KRT40: variants seen among roughly 807,000 people sequenced by gnomAD.
KRT40 encodes the protein keratin 40.
In KRT40, 47 loss-of-function variants were observed where a neutral mutation model predicts 43.5. The ratio of observed to expected loss-of-function variants is 1.08; its 90% CI spans 0.86 to 1.38. The LOEUF (loss-of-function observed/expected upper bound fraction) is 1.38. Among genes scored for constraint, KRT40 ranks in the 40% most tolerant of loss-of-function variants. The pLI is 0.00. For missense variants in KRT40, 573 were observed against 523.6 expected (o/e 1.09, Z -0.92); for synonymous variants, 212 against 214.0 (o/e 0.99, Z 0.08).
At chr17:40,984,367 T>G, upstream of KRT40, 1 of 926,436 alleles carries the variant, frequency 1.1e-6, no homozygotes, top group Non-Finnish European at 1.6e-6. Context: ...CCCCCCAAAA[T>G]GGGTGTTTAC....
intron 5 of KRT40, among the ~76,000 whole-genome samples, chr17:40,980,392 A>G (rs1022931424): frequency 3.3e-5 from 5 of 152,160 alleles, no homozygotes; most frequent in African/African-American, 1.2e-4. Flanking sequence ...ATAAGGTTGA[A>G]GTGTAGATCC....
At position 40,978,241 on chromosome 17, in the gene KRT40, A is replaced by G. The variant is rs775060035; in HGVS notation, c.1252T>C (p.Cys418Arg). The change falls in exon 7 of 7, where the codon TGC becomes CGC. Residue 418 changes from cysteine (C) to arginine (R), a missense_variant. Physicochemically the swap from Cys to Arg is radical, Grantham distance 180 (BLOSUM62 -3). Coordinates refer to ENST00000377755, the MANE Select transcript of KRT40 (RefSeq NM_001389244.1). ...ACAGTGCAGATGACATAGGCTGAGC[A>G]TGGCTCACAAGTGTTGCTCGAGGTG... is the stretch of plus-strand genomic sequence containing the variant. ...TCTSSNTCEP[C>R]SAYVICTVEN... 81 of 1,614,048 alleles carry G rather than the reference A, an allele frequency of 5.0e-5. No homozygotes were observed. Among genetic ancestry groups the G allele is most frequent in the South Asian group, 3.7e-4 (34 of 91,076 alleles).
chr17:40,981,216 G>A, intron 3 of KRT40, 65 bp from the exon 4 acceptor site: 1 of 1,609,524 alleles, frequency 6.2e-7, no homozygotes, highest in South Asian at 1.1e-5. Flanking sequence ...GACATCCAAT[G>A]GCATTCTACT....
At chr17:40,987,084 A>C (rs1912502150), upstream of KRT40, 1 of 152,208 alleles carries the variant, frequency 6.6e-6, no homozygotes, top group East Asian at 1.9e-4. Flanking sequence ...CAACTGCCTC[A>C]TGTGGAGATG....
In KRT40 at chr17:40,978,836, C is replaced by T. The variant is rs375959611; in HGVS notation, c.1164G>A (p.Thr388=). ...VKARLEGEIN[T]YWGLLDSEDS... The stretch of plus-strand genomic sequence containing the variant: ...CCTCGCTGTCCAGCAGGCCCCAGTA[C>T]GTGTTGATCTCACCCTCCAGCCGGG... Residue 388 remains threonine (T), a synonymous_variant, in exon 6 of 7, where the codon ACG becomes ACA. Coordinates refer to ENST00000377755, the MANE Select transcript of KRT40 (RefSeq NM_001389244.1). 1.3e-4 allele frequency: 211 copies of T among 1,612,958 alleles called. 2 individuals carry two copies. The highest frequency in any genetic ancestry group is 1.1e-3 in the South Asian group (96 of 91,014).
upstream of KRT40, among the ~76,000 whole-genome samples, chr17:40,986,688 A>G (rs1000665381): frequency 6.6e-6 from 1 of 151,394 alleles, no homozygotes; most frequent in African/African-American, 2.4e-5. Context: ...AGAAAGGAAC[A>G]TTGGGAATAG....
At chr17:40,981,424 A>G (rs1444041296) in intron 3 of KRT40, 1 of 639,356 alleles carries the variant, frequency 1.6e-6, no homozygotes. Flanking sequence ...GTTAATTATG[A>G]CACATAGTAA....
At chr17:40,979,073 G>T in intron 5 of KRT40, 49 bp from the exon 6 acceptor site, 2 of 1,404,434 alleles carry the variant, frequency 1.4e-6, no homozygotes, top group Non-Finnish European at 2.0e-6. Flanking sequence ...AGTCTCTCGG[G>T]CCAGAGTGCC....
rs746932892 is a variant in KRT40, at chr17:40,983,045, C to A, written c.530+1G>T. 2 of 1,228,298 alleles carry A rather than the reference C, an allele frequency of 1.6e-6. No individual in the cohort carries two copies. The highest frequency in any genetic ancestry group is 2.6e-5 in the South Asian group (2 of 77,172). 76.1% of individuals were successfully genotyped at this position (1,228,298 alleles called of 1,614,324 possible). On this transcript the variant is annotated splice_donor_variant, in intron 2 of 6. Transcript: ENST00000377755. LOFTEE classifies it high-confidence loss of function. ...ATAAAATAAAATTAAATTAAACTTACTTTGACTTAAAGTCATCAGTGGCCA... is the reference window on the plus strand; with the variant it reads ...ATAAAATAAAATTAAATTAAACTTAATTTGACTTAAAGTCATCAGTGGCCA...
intron 5 of KRT40, among the ~76,000 whole-genome samples, chr17:40,979,759 G>C (rs1036353406): frequency 6.6e-6 from 1 of 152,208 alleles, no homozygotes; most frequent in Middle Eastern, 3.4e-3. Flanking sequence ...TGTGGTAAGG[G>C]GATGAAGAGA....
chr17:40,979,073 G>A (rs369945379), intron 5 of KRT40, 49 bp from the exon 6 acceptor site: 20 of 1,404,324 alleles, frequency 1.4e-5, no homozygotes, highest in Non-Finnish European at 1.9e-5. Context: ...AGTCTCTCGG[G>A]CCAGAGTGCC....
Position 40,982,452 on chromosome 17 carries a change from TC to T in KRT40, c.541del (p.Glu181AsnfsTer8). The T allele has an allele frequency of 6.3e-7, 1 of 1,593,604 alleles. No homozygotes were observed. The highest frequency in any genetic ancestry group is 8.5e-7 in the Non-Finnish European group (1 of 1,172,022). On this transcript the variant is annotated frameshift_variant, in exon 3 of 7. Coordinates refer to ENST00000377755, the MANE Select transcript of KRT40 (RefSeq NM_001389244.1). LOFTEE classifies it high-confidence loss of function. ...CTCTAACAGCTGGCGAAGGGACAGT[TC>T]ACTCTCGTACCTTTCACAGCAAAAG... ...TDDFKSKYES[E>X]LSLRQLLEAD...
In KRT40 at chr17:40,984,223, C is replaced by T. The variant is rs766873344; in HGVS notation, c.51G>A (p.Thr17=). 1.2e-5 allele frequency: 20 copies of T among 1,613,738 alleles called. No individual in the cohort carries two copies. The highest frequency in any genetic ancestry group is 6.7e-5 in the African/African-American group (5 of 74,894). The change falls in exon 1 of 7, where the codon ACG becomes ACA. Residue 17 remains threonine (T), a synonymous_variant. Coordinates refer to ENST00000377755, the MANE Select transcript of KRT40 (RefSeq NM_001389244.1). ...STHCSPESCG[T]ASGCAPASSC... Reference sequence around the variant, plus strand: ...TTGAGGCAGGTGCACAACCGGAAGCCGTGCCACAGGACTCAGGAGAGCAGT... The same window carrying T: ...TTGAGGCAGGTGCACAACCGGAAGCTGTGCCACAGGACTCAGGAGAGCAGT...
upstream of KRT40, chr17:40,986,352 C>A (rs759864965): frequency 2.6e-5 from 4 of 152,316 alleles, no homozygotes; most frequent in Non-Finnish European, 5.9e-5. Context: ...TATTCCTGCA[C>A]CCAGCTATCA....
intron 2 of KRT40, 54 bp downstream of exon 2, chr17:40,982,992 G>C: frequency 1.3e-6 from 1 of 763,428 alleles, no homozygotes; most frequent in Non-Finnish European, 2.2e-6. Context: ...TGGGTGACAA[G>C]AGTGAAACTC....
chr17:40,986,920 A>T (rs1379088559), upstream of KRT40: 1 of 152,074 alleles, frequency 6.6e-6, no homozygotes, highest in Non-Finnish European at 1.5e-5. Flanking sequence ...GTGCCAATTT[A>T]CCTTTCTGGG....
intron 2 of KRT40, among the ~76,000 whole-genome samples, 172 bp from the exon 3 acceptor site, chr17:40,982,635 T>C (rs570582316): frequency 1.0e-3 from 151 of 146,746 alleles, no homozygotes; most frequent in African/African-American, 3.9e-3. Context: ...TAAAATATTA[T>C]ATAGAGAATA....
rs1225178707 is a variant in KRT40, at chr17:40,981,079, G to T, written c.760C>A (p.Leu254Ile). Residue 254 changes from leucine to isoleucine, a missense_variant, in exon 4 of 7, where the codon CTC becomes ATC. Leu to Ile is a conservative substitution (Grantham distance 5, BLOSUM62 2). Coordinates refer to ENST00000377755, the MANE Select transcript of KRT40 (RefSeq NM_001389244.1). ...VELDTAPTLD[L>I]NRVLDEMRCQ... ...CGCATCTCATCCAGGACCCTGTTGA[G>T]GTCAAGGGTGGGGGCAGTGTCCAGC... 6.2e-7 allele frequency: 1 copy of T among 1,614,142 alleles called. No individual in the cohort carries two copies. The highest frequency in any genetic ancestry group is 1.3e-5 in the African/African-American group (1 of 74,942).
intron 3 of KRT40, among the ~76,000 whole-genome samples, chr17:40,981,501 A>G (rs1480703265): frequency 2.6e-5 from 4 of 152,238 alleles, no homozygotes; most frequent in Non-Finnish European, 5.9e-5. Flanking sequence ...ACTTTGTTAC[A>G]TCATTCAGCT....
Sources: gnomAD v4.1 joint callset for allele counts (sites outside exome capture counted in the v4.1 genomes callset) on GRCh38, gnomAD v4.1.1 for gene constraint, MANE v1.5 for transcripts, NCBI Gene and HGNC (gene_info 2026-07-23, HGNC 2026-07-21) for gene names.